The following CAMTA1 variants were observed in gnomAD, a reference collection of about 807,000 sequenced individuals.
CAMTA1 encodes calmodulin binding transcription activator 1, also known as calmodulin-binding transcription activator 1.
CAMTA1 carries 27 observed loss-of-function variants against 170.9 expected under a neutral mutation model. The ratio of observed to expected loss-of-function variants is 0.16; its 90% CI spans 0.12 to 0.22. CAMTA1 has a LOEUF of 0.22. Ranked by LOEUF, CAMTA1 falls within the 10% of genes least tolerant of loss-of-function variation. The pLI, the probability that CAMTA1 is intolerant of heterozygous loss-of-function variation, is 1.00. For synonymous variants in CAMTA1, 833 were observed against 891.5 expected, an observed-to-expected ratio of 0.93 and a Z score of 1.17; for missense variants, 1,619 against 2,217.2, an observed-to-expected ratio of 0.73 and a Z score of 5.42.
intron 6 of CAMTA1, among the ~76,000 whole-genome samples, chr1:7,476,137 T>G (rs1358247766): frequency 2.6e-5 from 4 of 152,212 alleles, no homozygotes; most frequent in African/African-American, 9.6e-5. Context: ...ACAGCTGAGC[T>G]GACCATGGGC....
chr1:7,159,481 T>C (rs917034760), intron 4 of CAMTA1, among the ~76,000 whole-genome samples: 2 of 152,098 alleles, frequency 1.3e-5, no homozygotes, highest in East Asian at 1.9e-4. Context: ...GTGCCTTCCG[T>C]TCTCCACCTC....
chr1:7,322,484 C>T (rs1678580162), intron 5 of CAMTA1, among the ~76,000 whole-genome samples: 1 of 152,220 alleles, frequency 6.6e-6, no homozygotes, highest in Non-Finnish European at 1.5e-5. Context: ...TCTAATAAAA[C>T]TTTATTTATA....
chr1:7,503,700 G>A (rs962305520), intron 6 of CAMTA1, among the ~76,000 whole-genome samples: 9 of 152,196 alleles, frequency 5.9e-5, no homozygotes, highest in East Asian at 3.9e-4. Context: ...TCCCATTTCC[G>A]TCAGGTTCAG....
chr1:7,520,231 T>C (rs1209216800), intron 6 of CAMTA1, among the ~76,000 whole-genome samples: 6 of 16,018 alleles, frequency 3.7e-4, no homozygotes, highest in Admixed American at 9.1e-4. Context: ...TCCTCCTCCC[T>C]CCTCCTCTCC....
chr1:7,665,256 C>A lies in CAMTA1; in HGVS notation c.2652+57C>A. The A allele has an allele frequency of 7.4e-7, 1 of 1,355,308 alleles. No individual in the cohort carries two copies. The allele number at this position is 1,355,308 out of a possible 1,614,324, so 84.0% of individuals were successfully genotyped here. A position where few individuals can be genotyped will look rare whatever the true frequency, so the allele number is the denominator to read the frequency against. Reference sequence around the variant, plus strand: ...CTCCCCTCCCACCCACCTCGCCAGCCCCTGCGCCACCCTGCAGCTAAGGGA... The same window carrying A: ...CTCCCCTCCCACCCACCTCGCCAGCACCTGCGCCACCCTGCAGCTAAGGGA... On this transcript the variant is annotated intron_variant, in intron 9 of 22. Transcript: ENST00000303635. The surrounding 1 kb of genome is among the most constrained non-coding windows in gnomAD (Gnocchi z 4.3).
At chr1:7,006,295 C>CA (rs1418277266) in intron 3 of CAMTA1, among the ~76,000 whole-genome samples, 2 of 152,032 alleles carry the variant, frequency 1.3e-5, no homozygotes, top group African/African-American at 4.8e-5. Context: ...TACTTTTCCC[C>CA]ATTAAAAACT....
chr1:7,742,883 C>CG (rs2096828713), intron 16 of CAMTA1, among the ~76,000 whole-genome samples: 1 of 152,242 alleles, frequency 6.6e-6, no homozygotes, highest in South Asian at 2.1e-4. Flanking sequence ...GGCTGGAGTG[C>CG]GGTGGTGCCA....
chr1:6,894,744 A>C (rs1675274947), intron 3 of CAMTA1, among the ~76,000 whole-genome samples: 1 of 152,258 alleles, frequency 6.6e-6, no homozygotes, highest in Non-Finnish European at 1.5e-5. Flanking sequence ...TGGACTAGCT[A>C]TTTTAAACAT....
intron 5 of CAMTA1, among the ~76,000 whole-genome samples, chr1:7,356,252 C>A (rs1254765113): frequency 1.3e-5 from 2 of 152,202 alleles, no homozygotes; most frequent in Non-Finnish European, 2.9e-5. Flanking sequence ...GAGGTGTGTG[C>A]CCTCTGCAGG....
intron 5 of CAMTA1, among the ~76,000 whole-genome samples, chr1:7,431,694 A>G (rs896932430): frequency 2.0e-5 from 3 of 152,180 alleles, no homozygotes; most frequent in Non-Finnish European, 4.4e-5. Flanking sequence ...TCTGCAGATC[A>G]GGTCCCCTTA....
rs1450620515 is a variant in CAMTA1 at position 7,592,919 on chromosome 1, C to G, written c.511-47481C>G. Among the ~76,000 whole-genome samples the G allele has an allele frequency of 1.3e-5, 2 of 152,176 alleles. No homozygotes were observed. Among genetic ancestry groups the G allele is most frequent in the African/African-American group, 4.8e-5 (2 of 41,422 alleles). ...ATATTGCATTAAACCTCAGCAGGGC[C>G]GAGAGGCAGAACTGCTGTTCCAAGG... On this transcript the variant is annotated intron_variant, in intron 6 of 22. Transcript: ENST00000303635. The surrounding 1 kb of genome is among the most constrained non-coding windows in gnomAD (Gnocchi z 4.6).
chr1:7,434,855 A>G (rs1299774719), intron 5 of CAMTA1, among the ~76,000 whole-genome samples: 1 of 150,608 alleles, frequency 6.6e-6, no homozygotes, highest in African/African-American at 2.5e-5. Flanking sequence ...AACCTGGGCA[A>G]CATGGCAAAA....
At chr1:7,137,253 C>G (rs1294353656) in intron 4 of CAMTA1, among the ~76,000 whole-genome samples, 1 of 152,208 alleles carries the variant, frequency 6.6e-6, no homozygotes, top group Non-Finnish European at 1.5e-5. Flanking sequence ...ACTGCTTTCA[C>G]TAGAGTCTAT....
intron 3 of CAMTA1, among the ~76,000 whole-genome samples, chr1:6,883,460 A>T (rs943400714): frequency 6.6e-6 from 1 of 152,132 alleles, no homozygotes; most frequent in Non-Finnish European, 1.5e-5. Flanking sequence ...AGGAGAGGGC[A>T]GGGAGTTGGA....
At chr1:7,362,445 C>T (rs1172938827) in intron 5 of CAMTA1, among the ~76,000 whole-genome samples, 1 of 150,096 alleles carries the variant, frequency 6.7e-6, no homozygotes, top group Non-Finnish European at 1.5e-5. Flanking sequence ...TAGTAGACTT[C>T]AATAGAGTTA....
chr1:7,593,610 C>G (rs1450356984), intron 6 of CAMTA1, among the ~76,000 whole-genome samples: 1 of 151,554 alleles, frequency 6.6e-6, no homozygotes, highest in East Asian at 2.0e-4. Flanking sequence ...CTGCCTCAGC[C>G]TCCTGAGTAG....
At chr1:6,951,713 G>A (rs1003903143) in intron 3 of CAMTA1, among the ~76,000 whole-genome samples, 1 of 152,134 alleles carries the variant, frequency 6.6e-6, no homozygotes, top group African/African-American at 2.4e-5. Flanking sequence ...CCCAGAGTGG[G>A]TCCAGGGTCC....
At chr1:7,087,230 C>T (rs1453596870) in intron 3 of CAMTA1, among the ~76,000 whole-genome samples, 1 of 152,224 alleles carries the variant, frequency 6.6e-6, no homozygotes, top group Non-Finnish European at 1.5e-5. Flanking sequence ...TCCTTCCCCT[C>T]GTCGGCGGGA....
chr1:7,086,187 T>C (rs570937487), intron 3 of CAMTA1, among the ~76,000 whole-genome samples: 13 of 152,206 alleles, frequency 8.5e-5, no homozygotes, highest in African/African-American at 3.1e-4. Flanking sequence ...AGTCTTTGCT[T>C]TGGAGCCTGC....
Sources: allele counts gnomAD v4.1 joint callset (sites outside exome capture counted in the v4.1 genomes callset), GRCh38; gene constraint gnomAD v4.1.1; non-coding constraint Gnocchi (gnomAD v3.1); transcripts MANE v1.5; gene names NCBI Gene and HGNC (gene_info 2026-07-23, HGNC 2026-07-21).